The following CNTNAP2 variants were observed in gnomAD, a reference collection of about 807,000 sequenced individuals.
CNTNAP2 encodes contactin-associated protein-like 2.
Under a neutral mutation model 155.2 loss-of-function variants are expected in CNTNAP2, and 98 were observed. That is an observed-to-expected ratio of 0.63 (90% CI 0.54 to 0.75). The LOEUF (loss-of-function observed/expected upper bound fraction) is 0.75, where lower values mean the gene tolerates loss of function less well. CNTNAP2 is among the 30% of genes least tolerant of loss of function. The probability of loss-of-function intolerance (pLI) is 0.00; values close to 1 mark genes in which losing one functional copy is unlikely to be tolerated. For synonymous variants in CNTNAP2, 651 were observed against 631.2 expected, an observed-to-expected ratio of 1.03 and a Z score of -0.47; for missense variants, 1,727 against 1,688.1, an observed-to-expected ratio of 1.02 and a Z score of -0.40.
At chr7:146,179,998 A>C (rs1798527342) in intron 1 of CNTNAP2, among the ~76,000 whole-genome samples, 1 of 152,190 alleles carries the variant, frequency 6.6e-6, no homozygotes, top group Non-Finnish European at 1.5e-5. Context: ...CGCCACTTCC[A>C]AGCCATTCAC....
intron 5 of CNTNAP2, among the ~76,000 whole-genome samples, chr7:147,117,917 A>G (rs1801021890): frequency 6.6e-6 from 1 of 152,158 alleles, no homozygotes; most frequent in African/African-American, 2.4e-5. Context: ...GTTACATAAA[A>G]TATTATTTTT....
At chr7:147,677,455 C>T (rs1345892434) in intron 13 of CNTNAP2, among the ~76,000 whole-genome samples, 1 of 151,720 alleles carries the variant, frequency 6.6e-6, no homozygotes, top group African/African-American at 2.4e-5. Flanking sequence ...TTTCTTTCCC[C>T]CATTCTGTAG....
chr7:147,990,968 C>A (rs368707066), intron 15 of CNTNAP2, among the ~76,000 whole-genome samples: 4 of 152,294 alleles, frequency 2.6e-5, no homozygotes, highest in African/African-American at 9.6e-5. Context: ...GGCTGGTCTT[C>A]CTGGCACACC....
At chr7:147,799,678 AG>A (rs1797955590) in intron 13 of CNTNAP2, among the ~76,000 whole-genome samples, 1 of 152,242 alleles carries the variant, frequency 6.6e-6, no homozygotes, top group African/African-American at 2.4e-5. Flanking sequence ...AAATCATTTC[AG>A]GCAAAGACAA....
chr7:146,203,114 C>G (rs145384940), intron 1 of CNTNAP2, among the ~76,000 whole-genome samples: 1 of 151,996 alleles, frequency 6.6e-6, no homozygotes, highest in Non-Finnish European at 1.5e-5. Flanking sequence ...TTTTTGTGAC[C>G]AAGTGAGCTT....
intron 1 of CNTNAP2, among the ~76,000 whole-genome samples, chr7:146,323,185 G>A (rs554124090): frequency 5.9e-5 from 9 of 152,184 alleles, no homozygotes; most frequent in African/African-American, 9.6e-5. Flanking sequence ...GCATACCAGC[G>A]TCCCCATTAG....
At position 148,410,565 on chromosome 7, in the gene CNTNAP2, CAAA is replaced by C. The variant is rs56258191; in HGVS notation, c.3796+1114_3796+1116del. Reference sequence around the variant, plus strand: ...CTAGGTGACAGATTGAGACCTTTCTCAAAAAAAAAAAAAAAAAAAAAATACGAA... The same window carrying C: ...CTAGGTGACAGATTGAGACCTTTCTCAAAAAAAAAAAAAAAAAAATACGAA... On this transcript the variant is annotated intron_variant, in intron 23 of 23. Coordinates refer to ENST00000361727, the MANE Select transcript of CNTNAP2 (RefSeq NM_014141.6). Among the ~76,000 whole-genome samples, 428 of 112,838 alleles carry C rather than the reference CAAA, an allele frequency of 3.8e-3. 1 individual carries two copies. Among genetic ancestry groups the C allele is most frequent in the South Asian group, 7.8e-3 (26 of 3,336 alleles). The allele number at this position is 112,838 out of a possible 152,430, so 74.0% of individuals were successfully genotyped here.
At chr7:147,866,056 A>G (rs570523566) in intron 13 of CNTNAP2, among the ~76,000 whole-genome samples, 1 of 152,276 alleles carries the variant, frequency 6.6e-6, no homozygotes, top group South Asian at 2.1e-4. Flanking sequence ...TCTTGTGGGC[A>G]TTTAGTGCTA....
intron 13 of CNTNAP2, among the ~76,000 whole-genome samples, chr7:147,692,008 T>G (rs140939699): frequency 0.016 from 2,498 of 152,252 alleles, 218 homozygotes; most frequent in Admixed American, 0.15. Flanking sequence ...TCCTCTGCTC[T>G]GGTTATTCAT....
At chr7:148,147,765 C>G in intron 17 of CNTNAP2, 56 bp downstream of exon 17, 2 of 1,257,864 alleles carry the variant, frequency 1.6e-6, no homozygotes, top group East Asian at 5.3e-5. Context: ...AGAGCCTGCA[C>G]AATACAAAAA....
intron 1 of CNTNAP2, among the ~76,000 whole-genome samples, chr7:146,739,371 T>C (rs1408060383): frequency 6.6e-6 from 1 of 151,952 alleles, no homozygotes. Context: ...TCTCAAGAAA[T>C]TTTTTAAAGT....
intron 10 of CNTNAP2, among the ~76,000 whole-genome samples, chr7:147,453,055 T>C (rs1370939473): frequency 6.6e-6 from 1 of 151,160 alleles, no homozygotes; most frequent in African/African-American, 2.4e-5. Context: ...AGAAGGAAGA[T>C]GTGAGAAAGT....
chr7:147,838,246 C>T (rs1255719277), intron 13 of CNTNAP2, among the ~76,000 whole-genome samples: 1 of 152,164 alleles, frequency 6.6e-6, no homozygotes, highest in African/African-American at 2.4e-5. Flanking sequence ...CCATTTTTCT[C>T]TCCTAGGCCT....
intron 1 of CNTNAP2, among the ~76,000 whole-genome samples, chr7:146,311,175 A>G (rs1330135543): frequency 6.6e-6 from 1 of 152,216 alleles, no homozygotes; most frequent in Admixed American, 6.5e-5. Flanking sequence ...TTGTGCTCCA[A>G]TAAATGTGAT....
rs576845022 is a variant in CNTNAP2 at position 146,530,389 on chromosome 7, T to C, written c.98-243882T>C. Among the ~76,000 whole-genome samples, 188 of 152,166 alleles carry C rather than the reference T, an allele frequency of 1.2e-3. 1 individual carries two copies. Among genetic ancestry groups the C allele is most frequent in the African/African-American group, 4.5e-3 (185 of 41,514 alleles). On this transcript the variant is annotated intron_variant, in intron 1 of 23. Coordinates refer to ENST00000361727, the MANE Select transcript of CNTNAP2 (RefSeq NM_014141.6). ...ACAAAAATGGACAAATTGGACCTAATTAAACTAAAGATCTTTTATTCAGGG... is the reference window on the plus strand; with the variant it reads ...ACAAAAATGGACAAATTGGACCTAACTAAACTAAAGATCTTTTATTCAGGG...
chr7:147,108,627 C>T (rs1024555598), intron 5 of CNTNAP2, among the ~76,000 whole-genome samples: 6 of 152,030 alleles, frequency 3.9e-5, no homozygotes, highest in East Asian at 1.9e-4. Flanking sequence ...CATGACCTAA[C>T]GGAGGAATCA....
At chr7:146,995,995 GTTTTGT>G (rs879362154) in intron 3 of CNTNAP2, among the ~76,000 whole-genome samples, 9 of 151,412 alleles carry the variant, frequency 5.9e-5, no homozygotes, top group African/African-American at 9.7e-5. Flanking sequence ...GTTTTCTCCT[GTTTTGT>G]TTTTGTTTTT....
At chr7:147,779,079 C>G (rs1744049155) in intron 13 of CNTNAP2, among the ~76,000 whole-genome samples, 1 of 151,606 alleles carries the variant, frequency 6.6e-6, no homozygotes, top group African/African-American at 2.4e-5. Flanking sequence ...AGCATGCAAT[C>G]TTTTTTTTTG....
intron 13 of CNTNAP2, among the ~76,000 whole-genome samples, chr7:147,801,781 C>A (rs920090415): frequency 2.0e-5 from 3 of 152,216 alleles, no homozygotes; most frequent in Non-Finnish European, 4.4e-5. Flanking sequence ...CCCTTCCCCC[C>A]TTTCCATTCC....
Sources: allele counts gnomAD v4.1 joint callset (sites outside exome capture counted in the v4.1 genomes callset), GRCh38; gene constraint gnomAD v4.1.1; transcripts MANE v1.5; gene names NCBI Gene and HGNC (gene_info 2026-07-23, HGNC 2026-07-21).